INSRR: variants seen among roughly 807,000 people sequenced by gnomAD.
INSRR encodes insulin receptor-related protein.
Under a neutral mutation model 130.0 loss-of-function variants are expected in INSRR, and 114 were observed. That is an observed-to-expected ratio of 0.88 (90% confidence interval 0.75 to 1.02). The LOEUF (loss-of-function observed/expected upper bound fraction) is 1.02. INSRR is among the 50% of genes least tolerant of loss of function. The pLI is 0.00. For missense variants in INSRR, 1,657 were observed against 1,735.2 expected, an observed-to-expected ratio of 0.95 and a Z score of 0.80; for synonymous variants, 674 against 705.2, an observed-to-expected ratio of 0.96 and a Z score of 0.70.
In INSRR at chr1:156,854,181, C is replaced by T. The variant is rs750027324; in HGVS notation, c.208G>A (p.Gly70Ser). ...MFTATGEDFR[G>S]LSFPRLTQVT... ...TGGGTGAGGCGAGGGAAGCTGAGGC[C>T]GCGGAAGTCCTCCCCGGTGGCTGTG... Residue 70 changes from glycine (G) to serine (S), a missense_variant, in exon 2 of 22, where the codon GGC (glycine) becomes AGC (serine). By Grantham distance (56) the Gly-to-Ser change is moderately conservative. Transcript: ENST00000368195. The surrounding 1 kb of genome is among the most constrained non-coding windows in gnomAD (Gnocchi z 4.2). 1.3e-5 allele frequency: 21 copies of T among 1,614,112 alleles called. No individual in the cohort carries two copies. The highest frequency in any genetic ancestry group is 4.4e-5 in the South Asian group (4 of 91,080).
In INSRR at chr1:156,844,462, C is replaced by G. The variant is rs1413731013; in HGVS notation, c.2737G>C (p.Glu913Gln). ...DSVAFYILGPEEEDAGGLHVL... is the reference protein window; with the variant it reads ...DSVAFYILGPQEEDAGGLHVL... ...GGTCTGTGACAGAGGCTGTGTATAC[C>G]TGGGCCAAGGATGTAGAAGGCAACA... is the stretch of plus-strand genomic sequence containing the variant. Residue 913 changes from glutamate to glutamine, a missense_variant and splice_region_variant, in exon 14 of 22, where the codon GAG becomes CAG. Physicochemically the swap from Glu to Gln is conservative, Grantham distance 29. Transcript: ENST00000368195. 6.2e-7 allele frequency: 1 copy of G among 1,612,904 alleles called. No homozygotes were observed. Among genetic ancestry groups the G allele is most frequent in the Non-Finnish European group, 8.5e-7 (1 of 1,179,482 alleles).
chr1:156,844,145 G>T, intron 15 of INSRR, 30 bp downstream of exon 15: 6 of 1,512,634 alleles, frequency 4.0e-6, no homozygotes, highest in Middle Eastern at 1.7e-4. Flanking sequence ...GGGAGAAAAG[G>T]GGGTGGGGAC....
Position 156,840,978 on chromosome 1 carries a change from C to A in INSRR, c.3789G>T (p.Pro1263=), listed in dbSNP as rs370144321. 4 of 1,613,514 alleles carry A rather than the reference C, an allele frequency of 2.5e-6. No individual in the cohort carries two copies. The highest frequency in any genetic ancestry group is 3.4e-6 in the Non-Finnish European group (4 of 1,179,850). ...SFRLLSFYYS[P]ECRGARGSLP... Reference sequence around the variant, plus strand: ...GGGAGCCCCGGGCCCCCCGGCATTCCGGGCTGTAGTAGAAGGAGAGGAGGC... The same window carrying A: ...GGGAGCCCCGGGCCCCCCGGCATTCAGGGCTGTAGTAGAAGGAGAGGAGGC... Residue 1263 remains proline, a synonymous_variant, in exon 22 of 22, where the codon CCG becomes CCT. Coordinates refer to ENST00000368195, the MANE Select transcript of INSRR (RefSeq NM_014215.3).
At chr1:156,852,786 C>T (rs980558699) in intron 2 of INSRR, among the ~76,000 whole-genome samples, 2 of 152,204 alleles carry the variant, frequency 1.3e-5, no homozygotes, top group African/African-American at 4.8e-5. Flanking sequence ...TCAGCCAGGT[C>T]GTGTTGACAC....
intron 15 of INSRR, 95 bp downstream of exon 15, chr1:156,844,080 T>C (rs1654896117): frequency 1.2e-6 from 1 of 867,948 alleles, no homozygotes. Context: ...ATGGAAGACC[T>C]GTCTTTCTAC....
Position 156,858,905 on chromosome 1 carries a change from C to T in INSRR, c.-284G>A, listed in dbSNP as rs2102875777. The T allele has an allele frequency of 4.4e-6, 2 of 451,132 alleles. No homozygotes were observed. The highest frequency in any genetic ancestry group is 7.4e-5 in the East Asian group (2 of 27,010). The allele number at this position is 451,132 out of a possible 1,614,324, so 27.9% of individuals were successfully genotyped here. ...AGACAGTGACAGGGAGAGTCTCGGG[C>T]CTCCAGAGGGAGAAAATGACACAGG... is the stretch of plus-strand genomic sequence containing the variant. On this transcript the variant is annotated 5_prime_UTR_variant, in exon 1 of 22. Transcript: ENST00000368195.
Position 156,848,554 on chromosome 1 carries a change from T to TA in INSRR, c.1571+366dup, listed in dbSNP as rs143490646. ...AATGAAATGCTGGCAGAGCTGCTCA[T>TA]AAAACTGGCCAAATTAGTGGGCGCT... On this transcript the variant is annotated intron_variant, in intron 7 of 21. Transcript: ENST00000368195. Among the ~76,000 whole-genome samples, 837 of 152,314 alleles carry TA rather than the reference T, an allele frequency of 5.5e-3. 11 individuals carry two copies. The highest frequency in any genetic ancestry group is 0.019 in the African/African-American group (809 of 41,566).
At chr1:156,848,222 C>A (rs571934212) in intron 7 of INSRR, among the ~76,000 whole-genome samples, 1 of 152,244 alleles carries the variant, frequency 6.6e-6, no homozygotes, top group Admixed American at 6.5e-5. Context: ...AGACCCTGAG[C>A]CAGTGGTCAG....
chr1:156,846,583 A>C lies in INSRR; in HGVS notation c.1746T>G (p.Thr582=). ...AVFVRAITLT[T]EEDSPHQGAQ... Reference sequence around the variant, plus strand: ...CTCCTTGATGAGGGCTGTCCTCCTCAGTGGTTAGCGTGATGGCCCGCACAA... The same window carrying C: ...CTCCTTGATGAGGGCTGTCCTCCTCCGTGGTTAGCGTGATGGCCCGCACAA... The change falls in exon 8 of 22, where the codon ACT becomes ACG. Residue 582 remains threonine, a synonymous_variant. Coordinates refer to ENST00000368195, the MANE Select transcript of INSRR (RefSeq NM_014215.3). 1 of 1,614,058 alleles carries C rather than the reference A, an allele frequency of 6.2e-7. No individual in the cohort carries two copies. Among genetic ancestry groups the C allele is most frequent in the Non-Finnish European group, 8.5e-7 (1 of 1,180,016 alleles).
At position 156,854,403 on chromosome 1, in the gene INSRR, A is replaced by G. The variant is rs1655339978; in HGVS notation, c.86-100T>C. On this transcript the variant is annotated intron_variant, in intron 1 of 21. Coordinates refer to ENST00000368195, the MANE Select transcript of INSRR (RefSeq NM_014215.3). The surrounding 1 kb of genome is among the most constrained non-coding windows in gnomAD (Gnocchi z 4.2). ...GGGGAGCCACACTGGCAGTAGGACA[A>G]TGAGTGAGGAGCCGGGCTCTGCTCT... The G allele has an allele frequency of 8.2e-7, 1 of 1,224,428 alleles. No individual in the cohort carries two copies. Among genetic ancestry groups the G allele is most frequent in the Non-Finnish European group, 1.1e-6 (1 of 889,478 alleles). The allele number at this position is 1,224,428 out of a possible 1,614,324, so 75.8% of individuals were successfully genotyped here.
At position 156,855,594 on chromosome 1, in the gene INSRR, G is replaced by A. The variant is rs547464942; in HGVS notation, c.86-1291C>T. Among the ~76,000 whole-genome samples the A allele has an allele frequency of 2.0e-5, 3 of 152,264 alleles. No homozygotes were observed. The South Asian group carries it at 6.2e-4, about 31-fold the overall frequency. On this transcript the variant is annotated intron_variant, in intron 1 of 21. Coordinates refer to ENST00000368195, the MANE Select transcript of INSRR (RefSeq NM_014215.3). ...TTCCAGCACTTTGGGAGGCCGAGGT[G>A]GGAAGATTGCTTGAGCCTAGGAATT...
rs956250952 is a variant in INSRR at position 156,854,455 on chromosome 1, C to G, written c.86-152G>C. ...GGTGTGGGGTGGCCTCCTTCCTGGG[C>G]CCCGGAGGGCTCACCTGCAGCCTGC... On this transcript the variant is annotated intron_variant, in intron 1 of 21. Coordinates refer to ENST00000368195, the MANE Select transcript of INSRR (RefSeq NM_014215.3). The surrounding 1 kb of genome is among the most constrained non-coding windows in gnomAD (Gnocchi z 4.2). 1 of 792,892 alleles carries G rather than the reference C, an allele frequency of 1.3e-6. No homozygotes were observed. Among genetic ancestry groups the G allele is most frequent in the Admixed American group, 2.9e-5 (1 of 34,614 alleles). The allele number at this position is 792,892 out of a possible 1,614,324, so 49.1% of individuals were successfully genotyped here.
chr1:156,846,533 C>A lies in INSRR; in HGVS notation c.1796G>T (p.Arg599Leu), dbSNP rs762613259. 10 of 1,613,526 alleles carry A rather than the reference C, an allele frequency of 6.2e-6. No homozygotes were observed. Residue 599 changes from arginine to leucine, a missense_variant, in exon 8 of 22, where the codon CGA becomes CTA. Coordinates refer to ENST00000368195, the MANE Select transcript of INSRR (RefSeq NM_014215.3). ...QGAQSPIVYL[R>L]TLPAAPTVPQ... ...CAAATGCCTACCTGCAGGCAGCGTTCGGAGGTAGACGATGGGACTCTGGGC... is the reference window on the plus strand; with the variant it reads ...CAAATGCCTACCTGCAGGCAGCGTTAGGAGGTAGACGATGGGACTCTGGGC...
chr1:156,858,903 G>C lies in INSRR; in HGVS notation c.-282C>G. The C allele has an allele frequency of 2.2e-6, 1 of 454,024 alleles. No individual in the cohort carries two copies. The highest frequency in any genetic ancestry group is 4.0e-6 in the Non-Finnish European group (1 of 248,602). The allele number at this position is 454,024 out of a possible 1,614,324, so 28.1% of individuals were successfully genotyped here. A position where few individuals can be genotyped will look rare whatever the true frequency, so the allele number is the denominator to read the frequency against. ...GCAGACAGTGACAGGGAGAGTCTCG[G>C]GCCTCCAGAGGGAGAAAATGACACA... On this transcript the variant is annotated 5_prime_UTR_variant, in exon 1 of 22. Transcript: ENST00000368195.
rs1655354223 is a variant in INSRR, at chr1:156,854,897, T to C, written c.86-594A>G. ...TAACCCCCCGTGACTTCCATCTCTC[T>C]TGATCTTACTACAGCCTACAGGGCC... On this transcript the variant is annotated intron_variant, in intron 1 of 21. Transcript: ENST00000368195. This position sits in a 1 kb window ranked among gnomAD's most constrained non-coding sequence, Gnocchi z 4.2. 1.3e-5 allele frequency among the ~76,000 whole-genome samples: 2 copies of C among 152,188 alleles called. No individual in the cohort carries two copies. Among genetic ancestry groups the C allele is most frequent in the Admixed American group, 1.3e-4 (2 of 15,278 alleles).
At chr1:156,841,886 C>T in intron 19 of INSRR, 92 bp from the exon 20 acceptor site, 2 of 1,603,438 alleles carry the variant, frequency 1.2e-6, no homozygotes, top group Middle Eastern at 1.7e-4. Context: ...ATCTTCTCAT[C>T]CTCCAGAGTC....
rs769482586 is a variant in INSRR at position 156,842,437 on chromosome 1, G to A, written c.3198C>T (p.Asp1066=). Residue 1066 remains aspartate (D), a synonymous_variant, in exon 18 of 22, where the codon GAC becomes GAT. Transcript: ENST00000368195. ...GCAAAGATCGAAGATGGCTCTTGAG[G>A]TCCCCACGGGTCATTAACTCCATGA... ...LVIMELMTRG[D]LKSHLRSLRP... 2 of 1,613,984 alleles carry A rather than the reference G, an allele frequency of 1.2e-6. No homozygotes were observed. Among genetic ancestry groups the A allele is most frequent in the South Asian group, 2.2e-5 (2 of 91,074 alleles).
intron 1 of INSRR, among the ~76,000 whole-genome samples, chr1:156,855,042 A>G (rs867225086): frequency 6.6e-6 from 1 of 152,128 alleles, no homozygotes; most frequent in South Asian, 2.1e-4. Context: ...ACAAGCCAGC[A>G]AAGCTTCTGC....
chr1:156,842,390 G>A lies in INSRR; in HGVS notation c.3237+8C>T, dbSNP rs374923450. The A allele has an allele frequency of 1.2e-5, 20 of 1,613,388 alleles. No individual in the cohort carries two copies. In the African/African-American group the frequency reaches 2.1e-4, roughly 17 times the overall value. On this transcript the variant is annotated splice_region_variant and intron_variant, in intron 18 of 21. Coordinates refer to ENST00000368195, the MANE Select transcript of INSRR (RefSeq NM_014215.3). ...TCTTTCACTCCCCAGGGTCTTCCTG[G>A]TCCCTACCTCTGCCTCAGGCCGCAA...
Sources: allele counts gnomAD v4.1 joint callset (sites outside exome capture counted in the v4.1 genomes callset), GRCh38; gene constraint gnomAD v4.1.1; non-coding constraint Gnocchi (gnomAD v3.1); transcripts MANE v1.5; gene names NCBI Gene and HGNC (gene_info 2026-07-23, HGNC 2026-07-21).